Variants in WDR12 observed in about 807,000 individuals in gnomAD.
WDR12 encodes ribosome biogenesis protein WDR12.
Under a neutral mutation model 64.3 loss-of-function variants are expected in WDR12, and 42 were observed. The ratio of observed to expected loss-of-function variants is 0.65; its 90% confidence interval spans 0.51 to 0.84. The LOEUF is 0.84. Among genes scored for constraint, WDR12 ranks in the 40% least tolerant of loss-of-function variants. The pLI is 0.00. For synonymous variants in WDR12, 158 were observed against 173.3 expected, an observed-to-expected ratio of 0.91 and a Z score of 0.70; for missense variants, 469 against 494.6, an observed-to-expected ratio of 0.95 and a Z score of 0.49.
rs1687891338 is a variant in WDR12, at chr2:202,877,982, A to T, written c.*2878T>A. 1 of 152,202 alleles carries T rather than the reference A, an allele frequency of 6.6e-6. No homozygotes were observed. The highest frequency in any genetic ancestry group is 2.1e-4 in the South Asian group (1 of 4,830). 9.4% of individuals were successfully genotyped at this position (152,202 alleles called of 1,614,324 possible). The stretch of plus-strand genomic sequence containing the variant: ...AGAGGACTGAATAGTCTAGGCATGT[A>T]TTGACCTCTCATATTCCTTCTGTTC... On this transcript the variant is annotated 3_prime_UTR_variant, in exon 13 of 13. Coordinates refer to ENST00000261015, the MANE Select transcript of WDR12 (RefSeq NM_018256.4).
rs13414102 is a variant in WDR12, at chr2:202,906,422, C to T, written c.136+1443G>A. 6.5e-3 allele frequency among the ~76,000 whole-genome samples: 991 copies of T among 152,288 alleles called. 11 individuals carry two copies. Among genetic ancestry groups the T allele is most frequent in the African/African-American group, 0.023 (955 of 41,554 alleles). ...CAATAAAGTTGCTCAAAAACATCAC[C>T]TCAAATTTCACAAAAAAATTATGTG... On this transcript the variant is annotated intron_variant, in intron 2 of 12. Coordinates refer to ENST00000261015, the MANE Select transcript of WDR12 (RefSeq NM_018256.4).
chr2:202,882,657 A>C (rs1280335861), intron 12 of WDR12, 54 bp downstream of exon 12: 5 of 1,560,092 alleles, frequency 3.2e-6, no homozygotes, highest in Non-Finnish European at 4.4e-6. Context: ...AAACACAAAC[A>C]CCAGATTTAT....
At chr2:202,910,608 A>C (rs537709954) in intron 1 of WDR12, among the ~76,000 whole-genome samples, 1 of 152,338 alleles carries the variant, frequency 6.6e-6, no homozygotes, top group East Asian at 1.9e-4. Flanking sequence ...ACCTACTTTC[A>C]ATTAAAAAAC....
At chr2:202,889,799 C>T (rs558540422) in intron 8 of WDR12, among the ~76,000 whole-genome samples, 1 of 151,712 alleles carries the variant, frequency 6.6e-6, no homozygotes, top group Non-Finnish European at 1.5e-5. Context: ...ACCTGTAGTT[C>T]CAGCTACTCA....
intron 2 of WDR12, among the ~76,000 whole-genome samples, chr2:202,901,515 A>G (rs1688348530): frequency 6.6e-6 from 1 of 152,214 alleles, no homozygotes; most frequent in South Asian, 2.1e-4. Flanking sequence ...TCTCTAAAAT[A>G]TAAGGACTTC....
intron 11 of WDR12, 52 bp from the exon 12 acceptor site, chr2:202,882,835 A>T: frequency 6.4e-7 from 1 of 1,553,580 alleles, no homozygotes; most frequent in Non-Finnish European, 8.9e-7. Context: ...GTTAAAACAA[A>T]CATTTGAATA....
chr2:202,900,434 G>T (rs1347805012), intron 3 of WDR12, among the ~76,000 whole-genome samples: 1 of 152,056 alleles, frequency 6.6e-6, no homozygotes, highest in South Asian at 2.1e-4. Context: ...AAACAATTCT[G>T]GAAAATGGTG....
At chr2:202,886,061 C>T (rs1392357034) in intron 8 of WDR12, among the ~76,000 whole-genome samples, 1 of 151,632 alleles carries the variant, frequency 6.6e-6, no homozygotes, top group Non-Finnish European at 1.5e-5. Context: ...CCACTGCACT[C>T]GGCCCACAGT....
At chr2:202,899,331 A>C (rs573412890) in intron 4 of WDR12, among the ~76,000 whole-genome samples, 200 bp downstream of exon 4, 76 of 152,298 alleles carry the variant, frequency 5.0e-4, no homozygotes, top group African/African-American at 1.8e-3. Context: ...GGCATGAGCC[A>C]CTGCACCCAG....
chr2:202,883,740 A>G lies in WDR12; in HGVS notation c.990T>C (p.Asp330=), dbSNP rs1687996378. The change falls in exon 11 of 13, where the codon GAT becomes GAC. Residue 330 remains aspartate, a splice_region_variant and synonymous_variant. Coordinates refer to ENST00000261015, the MANE Select transcript of WDR12 (RefSeq NM_018256.4). ...HIRLWDPRTK[D]GSLVSLSLTS... ...TTAGGGACAGCGACACCAAAGAACC[A>G]TCTGAACAAAGCAAAAAAGACAAGC... is the stretch of plus-strand genomic sequence containing the variant. 1.9e-6 allele frequency: 3 copies of G among 1,612,792 alleles called. No individual in the cohort carries two copies. The highest frequency in any genetic ancestry group is 4.5e-5 in the East Asian group (2 of 44,870).
At chr2:202,897,884 G>A (rs1182925981) in intron 4 of WDR12, among the ~76,000 whole-genome samples, 6 of 33,642 alleles carry the variant, frequency 1.8e-4, no homozygotes, top group East Asian at 1.3e-3. Context: ...GCGAGACTCC[G>A]TTTCAAAAAA....
intron 8 of WDR12, among the ~76,000 whole-genome samples, chr2:202,888,929 C>G (rs1688097742): frequency 2.0e-5 from 3 of 152,042 alleles, no homozygotes; most frequent in African/African-American, 7.2e-5. Flanking sequence ...AGGCTGGTCT[C>G]AAACTCCTAG....
chr2:202,884,566 T>C (rs1419981628), intron 8 of WDR12, 31 bp from the exon 9 acceptor site: 1 of 1,586,664 alleles, frequency 6.3e-7, no homozygotes, highest in Admixed American at 1.9e-5. Flanking sequence ...AAGGGGAAAG[T>C]GTTTTCATTA....
At chr2:202,902,934 C>T (rs1688375309) in intron 2 of WDR12, among the ~76,000 whole-genome samples, 1 of 152,088 alleles carries the variant, frequency 6.6e-6, no homozygotes, top group Admixed American at 6.6e-5. Flanking sequence ...AATTAGCCAG[C>T]CGGGTGTGGT....
In WDR12 at chr2:202,897,374, G is replaced by A; in HGVS notation, c.380C>T (p.Ser127Phe). ...TGTCATTATTGACTTTCCTTCCAAG[G>A]ACCAGATCCGAGAAGTCTTATCATA... ...GSYDKTSRIW[S>F]LEGKSIMTIV... The change falls in exon 5 of 13, where the codon TCC (serine) becomes TTC (phenylalanine). Residue 127 changes from serine to phenylalanine, a missense_variant. Physicochemically the swap from Ser to Phe is radical, Grantham distance 155. Transcript: ENST00000261015. 1 of 1,593,114 alleles carries A rather than the reference G, an allele frequency of 6.3e-7. No individual in the cohort carries two copies. The highest frequency in any genetic ancestry group is 8.5e-7 in the Non-Finnish European group (1 of 1,171,694).
At chr2:202,895,522 T>C (rs998306719) in intron 6 of WDR12, among the ~76,000 whole-genome samples, 6 of 146,644 alleles carry the variant, frequency 4.1e-5, no homozygotes, top group South Asian at 2.2e-4. Flanking sequence ...TCTTTCTTTT[T>C]TTTTTTTTTT....
chr2:202,903,733 A>C (rs1688399636), intron 2 of WDR12, among the ~76,000 whole-genome samples: 1 of 152,230 alleles, frequency 6.6e-6, no homozygotes, highest in Non-Finnish European at 1.5e-5. Flanking sequence ...AACAATCAGA[A>C]AAAGAAATCA....
rs949954215 is a variant in WDR12 at position 202,886,831 on chromosome 2, T to C, written c.742-2296A>G. 1.1e-4 allele frequency among the ~76,000 whole-genome samples: 16 copies of C among 151,758 alleles called. No individual in the cohort carries two copies. The East Asian group carries it at 3.1e-3, about 29-fold the overall frequency. ...ATAGGGGATAGTCAATCTACTTTTA[T>C]ATAACTTTGCTACATTTAACTTCCT... On this transcript the variant is annotated intron_variant, in intron 8 of 12. Transcript: ENST00000261015.
chr2:202,879,598 A>AT lies in WDR12; in HGVS notation c.*1261dup, dbSNP rs746533318. On this transcript the variant is annotated 3_prime_UTR_variant, in exon 13 of 13. Coordinates refer to ENST00000261015, the MANE Select transcript of WDR12 (RefSeq NM_018256.4). ...ACCACACCCGGCTAATTTGTTTTGG[A>AT]TTTTTTTTTTTTTAGTAGAGACAAA... The AT allele has an allele frequency of 2.6e-3, 356 of 139,416 alleles. 2 individuals are homozygous for AT. The highest frequency in any genetic ancestry group is 9.8e-3 in the South Asian group (43 of 4,382). The allele number at this position is 139,416 out of a possible 1,614,324, so 8.6% of individuals were successfully genotyped here. A position where few individuals can be genotyped will look rare whatever the true frequency, so the allele number is the denominator to read the frequency against.
Sources: gnomAD v4.1 joint callset for allele counts (sites outside exome capture counted in the v4.1 genomes callset) on GRCh38, gnomAD v4.1.1 for gene constraint, MANE v1.5 for transcripts, NCBI Gene and HGNC (gene_info 2026-07-23, HGNC 2026-07-21) for gene names.